The following RSPH9 variants were observed in gnomAD, a reference collection of about 807,000 sequenced individuals.
RSPH9 encodes the protein radial spoke head component 9, also known as radial spoke head protein 9 homolog.
RSPH9 carries 27 observed loss-of-function variants against 27.0 expected under a neutral mutation model. That is an observed-to-expected ratio of 1.00 (90% CI 0.74 to 1.38). RSPH9 has a LOEUF of 1.38. Ranked by LOEUF, RSPH9 falls within the 40% of genes most tolerant of loss-of-function variation. The pLI is 0.00. For missense variants in RSPH9, 347 were observed against 357.4 expected, an observed-to-expected ratio of 0.97 and a Z score of 0.24; for synonymous variants, 145 against 147.7, an observed-to-expected ratio of 0.98 and a Z score of 0.13.
intron 2 of RSPH9, among the ~76,000 whole-genome samples, chr6:43,653,242 G>T (rs1365978121): frequency 6.6e-6 from 1 of 152,122 alleles, no homozygotes; most frequent in Non-Finnish European, 1.5e-5. Context: ...ACGAGGTCAG[G>T]AGTTTGAGAC....
intron 4 of RSPH9, among the ~76,000 whole-genome samples, chr6:43,659,489 TCTC>T (rs1772387832): frequency 6.6e-6 from 1 of 151,444 alleles, no homozygotes; most frequent in South Asian, 2.1e-4. Flanking sequence ...TTCACGCCAT[TCTC>T]CTGCCTCAGC....
In RSPH9 at chr6:43,671,028, T is replaced by G; in HGVS notation, c.*79T>G. 6.5e-7 allele frequency: 1 copy of G among 1,547,630 alleles called. No homozygotes were observed. Among genetic ancestry groups the G allele is most frequent in the South Asian group, 1.2e-5 (1 of 86,852 alleles). ...GCTTCAGTGAACTTGGCCTGCCTGT[T>G]CTGTCCTATCTTCTTAACTCCACCT... is the stretch of plus-strand genomic sequence containing the variant. On this transcript the variant is annotated 3_prime_UTR_variant, in exon 5 of 5. Coordinates refer to ENST00000372163, the MANE Select transcript of RSPH9 (RefSeq NM_152732.5).
intron 4 of RSPH9, among the ~76,000 whole-genome samples, chr6:43,667,941 G>C (rs1288732833): frequency 6.6e-6 from 1 of 152,158 alleles, no homozygotes; most frequent in African/African-American, 2.4e-5. Flanking sequence ...AATGTAATTA[G>C]AGTAAGTACG....
intron 4 of RSPH9, among the ~76,000 whole-genome samples, chr6:43,666,731 G>A (rs763009291): frequency 6.6e-6 from 1 of 152,098 alleles, no homozygotes; most frequent in African/African-American, 2.4e-5. Flanking sequence ...TCTGACCTTG[G>A]GCTGCAGCCA....
Position 43,667,322 on chromosome 6 carries a change from T to G in RSPH9, c.671-3467T>G, listed in dbSNP as rs956677270. ...CTCTCCTTGCTCCACTCTGGGCTGG[T>G]GCAAAGGTCTCAGAATTGCCAGGTG... On this transcript the variant is annotated intron_variant, in intron 4 of 4. Transcript: ENST00000372163. Among the ~76,000 whole-genome samples the G allele has an allele frequency of 2.0e-5, 3 of 152,218 alleles. No homozygotes were observed. The East Asian group carries it at 5.8e-4, about 29-fold the overall frequency.
At chr6:43,663,676 A>G (rs550255752) in intron 4 of RSPH9, among the ~76,000 whole-genome samples, 9 of 152,270 alleles carry the variant, frequency 5.9e-5, no homozygotes, top group African/African-American at 1.9e-4. Flanking sequence ...CCCCAAAACA[A>G]TATCATAGTA....
chr6:43,648,184 G>A (rs549545055), intron 1 of RSPH9, among the ~76,000 whole-genome samples: 8 of 152,020 alleles, frequency 5.3e-5, no homozygotes, highest in South Asian at 2.1e-4. Context: ...CAGGAGAATC[G>A]CCTGAACCCA....
At chr6:43,668,389 T>C (rs1156560642) in intron 4 of RSPH9, among the ~76,000 whole-genome samples, 1 of 152,070 alleles carries the variant, frequency 6.6e-6, no homozygotes, top group Non-Finnish European at 1.5e-5. Context: ...AGTGCTGTTT[T>C]CTGGCTGGCC....
chr6:43,652,535 C>T (rs1304311948), intron 2 of RSPH9, among the ~76,000 whole-genome samples: 2 of 151,218 alleles, frequency 1.3e-5, no homozygotes, highest in East Asian at 2.0e-4. Context: ...AAGTGATTCT[C>T]CTGCCTCAGT....
intron 1 of RSPH9, among the ~76,000 whole-genome samples, chr6:43,649,989 C>G (rs539135775): frequency 2.0e-5 from 3 of 152,316 alleles, no homozygotes; most frequent in Admixed American, 2.0e-4. Context: ...TCGTGGCTCA[C>G]TGCAACCTCT....
intron 2 of RSPH9, 130 bp from the exon 3 acceptor site, chr6:43,655,432 G>A: frequency 2.1e-6 from 2 of 967,618 alleles, no homozygotes; most frequent in South Asian, 2.6e-5. Flanking sequence ...GGCCTGCCCA[G>A]CGTGATCTGT....
Position 43,666,340 on chromosome 6 carries a change from A to G in RSPH9, c.671-4449A>G, listed in dbSNP as rs535373975. On this transcript the variant is annotated intron_variant, in intron 4 of 4. Coordinates refer to ENST00000372163, the MANE Select transcript of RSPH9 (RefSeq NM_152732.5). ...AATTGGGGCCAAAATCCCAAGGAAG[A>G]GTTCCCTGGGACACCAGGACTGGCT... The G allele has an allele frequency of 1.5e-5, 17 of 1,101,322 alleles. 2 individuals carry two copies. In the African/African-American group the frequency reaches 2.3e-4, roughly 15 times the overall value. The allele number at this position is 1,101,322 out of a possible 1,614,324, so 68.2% of individuals were successfully genotyped here.
intron 4 of RSPH9, among the ~76,000 whole-genome samples, chr6:43,658,312 A>AAAG (rs1554148196): frequency 5.2e-5 from 7 of 133,784 alleles, no homozygotes; most frequent in South Asian, 2.6e-4. Flanking sequence ...AAAAAAAAAG[A>AAAG]AAAAAAAAAA....
rs767230053 is a variant in RSPH9, at chr6:43,645,070, G to C, written c.-29G>C. On this transcript the variant is annotated 5_prime_UTR_variant, in exon 1 of 5. Transcript: ENST00000372163. Reference sequence around the variant, plus strand: ...TGGAGGCGGCTTCTCCTAGCAACTCGACGGGCGTTGAGCGGAGCCGCTGAC... The same window carrying C: ...TGGAGGCGGCTTCTCCTAGCAACTCCACGGGCGTTGAGCGGAGCCGCTGAC... 9.4e-6 allele frequency: 15 copies of C among 1,596,750 alleles called. No homozygotes were observed. Among genetic ancestry groups the C allele is most frequent in the Non-Finnish European group, 1.3e-5 (15 of 1,170,750 alleles).
chr6:43,656,439 C>T (rs966252146), intron 3 of RSPH9, 138 bp from the exon 4 acceptor site: 8 of 1,000,526 alleles, frequency 8.0e-6, no homozygotes, highest in Admixed American at 1.7e-5. Context: ...GAATGCTAAT[C>T]CCTTTCCTTC....
chr6:43,664,748 G>A (rs60491643), intron 4 of RSPH9, among the ~76,000 whole-genome samples: 1 of 152,184 alleles, frequency 6.6e-6, no homozygotes, highest in Non-Finnish European at 1.5e-5. Context: ...CAAGTAGGGG[G>A]ATATGAAGAG....
Position 43,656,664 on chromosome 6 carries a change from A to G in RSPH9, c.611A>G (p.Lys204Arg), listed in dbSNP as rs2127911379. Residue 204 changes from lysine (K) to arginine (R), a missense_variant, in exon 4 of 5, where the codon AAG becomes AGG. Lys to Arg is a conservative substitution (Grantham distance 26, BLOSUM62 2). Coordinates refer to ENST00000372163, the MANE Select transcript of RSPH9 (RefSeq NM_152732.5). ...CTAAAGAATAAGACCTTGCTTGAGAAGGCTGACCTGGACCCCTCCCTGGAT... is the reference window on the plus strand; with the variant it reads ...CTAAAGAATAAGACCTTGCTTGAGAGGGCTGACCTGGACCCCTCCCTGGAT... ...VELKNKTLLE[K>R]ADLDPSLDFM... 1 of 1,614,214 alleles carries G rather than the reference A, an allele frequency of 6.2e-7. No individual in the cohort carries two copies. The highest frequency in any genetic ancestry group is 2.2e-5 in the East Asian group (1 of 44,884).
rs1561938646 is a variant in RSPH9, at chr6:43,652,729, G to GT, written c.393+2189_393+2190insT. Among the ~76,000 whole-genome samples, 16 of 125,980 alleles carry GT rather than the reference G, an allele frequency of 1.3e-4. 1 individual carries two copies. The highest frequency in any genetic ancestry group is 8.9e-4 in the East Asian group (3 of 3,388). 82.6% of individuals were successfully genotyped at this position (125,980 alleles called of 152,430 possible). A position where few individuals can be genotyped will look rare whatever the true frequency, so the allele number is the denominator to read the frequency against. On this transcript the variant is annotated intron_variant, in intron 2 of 4. Transcript: ENST00000372163. ...GCGTGAGCCACCATGCCCAACTTCC[G>GT]GTTTTTTTTTTTTTTTTTCACCATT...
Position 43,670,837 on chromosome 6 carries a change from G to A in RSPH9, c.719G>A (p.Arg240His), listed in dbSNP as rs143815397. Residue 240 changes from arginine (R) to histidine (H), a missense_variant, in exon 5 of 5, where the codon CGC becomes CAC. Coordinates refer to ENST00000372163, the MANE Select transcript of RSPH9 (RefSeq NM_152732.5). ...AGGGGCAATGCCCTGGTGGTGCTGCGCAGCCTGCTCTGGCCGGGCCTCACC... is the reference window on the plus strand; with the variant it reads ...AGGGGCAATGCCCTGGTGGTGCTGCACAGCCTGCTCTGGCCGGGCCTCACC... Reference protein sequence around the residue: ...MERGNALVVLRSLLWPGLTFY... With the variant: ...MERGNALVVLHSLLWPGLTFY... 2.7e-5 allele frequency: 43 copies of A among 1,614,204 alleles called. No individual in the cohort carries two copies. The Admixed American group carries it at 3.0e-4, about 11-fold the overall frequency.
Sources: gnomAD v4.1 joint callset for allele counts (sites outside exome capture counted in the v4.1 genomes callset) on GRCh38, gnomAD v4.1.1 for gene constraint, MANE v1.5 for transcripts, NCBI Gene and HGNC (gene_info 2026-07-23, HGNC 2026-07-21) for gene names.